Variants in RMDN2 observed in about 807,000 individuals in gnomAD.
The protein encoded by RMDN2 is regulator of microtubule dynamics protein 2.
In RMDN2, 61 loss-of-function variants were observed where a neutral mutation model predicts 52.8. That is an observed-to-expected ratio of 1.16 (90% CI 0.94 to 1.43). RMDN2 has a LOEUF of 1.43. Among genes scored for constraint, RMDN2 ranks in the 40% most tolerant of loss-of-function variants. The probability of loss-of-function intolerance (pLI) is 0.00; values close to 1 mark genes in which losing one functional copy is unlikely to be tolerated. For synonymous variants in RMDN2, 180 were observed against 153.1 expected (o/e 1.18, Z -1.30); for missense variants, 592 against 475.3 (o/e 1.25, Z -2.28).
At chr2:37,963,705 A>C (rs1670598511) in intron 2 of RMDN2, among the ~76,000 whole-genome samples, 1 of 152,120 alleles carries the variant, frequency 6.6e-6, no homozygotes, top group African/African-American at 2.4e-5. Context: ...GGAGTCTCCT[A>C]TGTCTACTTC....
At chr2:37,985,013 C>G (rs1572941218) in intron 5 of RMDN2, among the ~76,000 whole-genome samples, 1 of 151,988 alleles carries the variant, frequency 6.6e-6, no homozygotes, top group East Asian at 1.9e-4. Flanking sequence ...ATATTTTAAA[C>G]TTTAAAGAAG....
chr2:37,957,520 G>A (rs553980320), intron 2 of RMDN2, among the ~76,000 whole-genome samples: 123 of 152,250 alleles, frequency 8.1e-4, no homozygotes, highest in Non-Finnish European at 1.5e-3. Flanking sequence ...ATTTATTTAA[G>A]TTCCTTGTAG....
intron 6 of RMDN2, among the ~76,000 whole-genome samples, chr2:37,990,141 TGAA>T (rs1211540366): frequency 0.14 from 18,353 of 133,206 alleles, 2,148 homozygotes; most frequent in African/African-American, 0.3. Context: ...AGACTCCGTC[TGAA>T]AAAAAAAAAA....
chr2:38,006,843 G>C (rs1394343460), intron 10 of RMDN2, among the ~76,000 whole-genome samples: 1 of 152,156 alleles, frequency 6.6e-6, no homozygotes, highest in African/African-American at 2.4e-5. Flanking sequence ...CTGTGGGTTT[G>C]TCATAGATAG....
chr2:37,987,799 C>T (rs1287599111), intron 5 of RMDN2, among the ~76,000 whole-genome samples: 6 of 152,120 alleles, frequency 3.9e-5, no homozygotes, highest in Admixed American at 3.9e-4. Context: ...TGGCTCTTGC[C>T]TGTAATCCCA....
intron 2 of RMDN2, among the ~76,000 whole-genome samples, chr2:37,938,260 G>A (rs182818831): frequency 8.6e-4 from 131 of 152,304 alleles, no homozygotes; most frequent in African/African-American, 3.1e-3. Flanking sequence ...TGATCATGGT[G>A]GATAAGCTTT....
chr2:37,970,332 G>T (rs774779260), intron 2 of RMDN2, among the ~76,000 whole-genome samples: 3 of 152,126 alleles, frequency 2.0e-5, no homozygotes, highest in Non-Finnish European at 4.4e-5. Context: ...GGTCTCATCT[G>T]TTGCGCCAGA....
At chr2:38,042,445 A>ACAC (rs1558582745) in intron 10 of RMDN2, among the ~76,000 whole-genome samples, 16 of 145,212 alleles carry the variant, frequency 1.1e-4, no homozygotes, top group African/African-American at 3.6e-4. Flanking sequence ...CACACACACC[A>ACAC]CACACACACA....
intron 10 of RMDN2, among the ~76,000 whole-genome samples, chr2:38,005,150 T>A (rs1428691512): frequency 6.6e-6 from 1 of 152,198 alleles, no homozygotes; most frequent in Non-Finnish European, 1.5e-5. Context: ...ATAGTGCTGC[T>A]ATAAACATAC....
Position 37,951,939 on chromosome 2 carries a change from T to C in RMDN2, c.453-22101T>C, listed in dbSNP as rs1177718840. ...TGATATTCAACAAAGGGGCCAATTA[T>C]GTAAAGATTTAAAAGATTTCCTTCA... On this transcript the variant is annotated intron_variant, in intron 2 of 10. Transcript: ENST00000354545. The C allele has an allele frequency of 1.2e-6, 2 of 1,613,368 alleles. No individual in the cohort carries two copies. The highest frequency in any genetic ancestry group is 1.3e-5 in the African/African-American group (1 of 74,900).
chr2:37,984,938 G>A (rs532672054), intron 5 of RMDN2, among the ~76,000 whole-genome samples: 121 of 152,160 alleles, frequency 8.0e-4, no homozygotes, highest in African/African-American at 2.9e-3. Flanking sequence ...AAGAAAAGAA[G>A]TAATGACCCT....
At chr2:38,019,815 C>T (rs1256501560), downstream of RMDN2, among the ~76,000 whole-genome samples, 3 of 151,996 alleles carry the variant, frequency 2.0e-5, no homozygotes, top group African/African-American at 7.3e-5. Context: ...GTTACAGCTA[C>T]TTGGGAGGCT....
At chr2:37,982,029 C>T (rs1449333022) in intron 5 of RMDN2, among the ~76,000 whole-genome samples, 1 of 151,974 alleles carries the variant, frequency 6.6e-6, no homozygotes, top group Non-Finnish European at 1.5e-5. Context: ...ACAGGTGCCC[C>T]AGATAGTGGG....
At chr2:37,921,686 G>A (rs1269783257), upstream of RMDN2, among the ~76,000 whole-genome samples, 4 of 152,192 alleles carry the variant, frequency 2.6e-5, no homozygotes, top group African/African-American at 4.8e-5. Context: ...TTCTATCAAA[G>A]GCAGGGTCTG....
chr2:38,000,553 A>G (rs559288625), intron 8 of RMDN2, among the ~76,000 whole-genome samples: 1 of 152,238 alleles, frequency 6.6e-6, no homozygotes, highest in South Asian at 2.1e-4. Context: ...TATCACTATA[A>G]ATTAGTTTTG....
chr2:37,943,810 C>G (rs1359586247), intron 2 of RMDN2, among the ~76,000 whole-genome samples: 1 of 152,060 alleles, frequency 6.6e-6, no homozygotes, highest in Admixed American at 6.5e-5. Context: ...CCCCCTTAGG[C>G]TATGTGTTAA....
At chr2:38,018,330 GA>G (rs1679071628), downstream of RMDN2, among the ~76,000 whole-genome samples, 1 of 152,048 alleles carries the variant, frequency 6.6e-6, no homozygotes, top group African/African-American at 2.4e-5. Flanking sequence ...AAATATAAAA[GA>G]AAAAATTTAA....
At chr2:37,981,248 T>A (rs1376985463) in intron 4 of RMDN2, 35 bp from the exon 5 acceptor site, 8 of 1,255,000 alleles carry the variant, frequency 6.4e-6, no homozygotes, top group Non-Finnish European at 8.2e-6. Flanking sequence ...CCAACTCACA[T>A]GAAGGTATTA....
chr2:38,000,046 T>A (rs1024201046), intron 8 of RMDN2, among the ~76,000 whole-genome samples: 2 of 152,224 alleles, frequency 1.3e-5, no homozygotes, highest in African/African-American at 4.8e-5. Flanking sequence ...ATGTTCTAAC[T>A]AAAAATCAAT....
Sources: gnomAD v4.1 joint callset for allele counts (sites outside exome capture counted in the v4.1 genomes callset) on GRCh38, gnomAD v4.1.1 for gene constraint, MANE v1.5 for transcripts, NCBI Gene and HGNC (gene_info 2026-07-23, HGNC 2026-07-21) for gene names.